Variants in EPB41L3 observed in about 807,000 individuals in gnomAD.
EPB41L3 encodes band 4.1-like protein 3.
In EPB41L3, 57 loss-of-function variants were observed where a neutral mutation model predicts 127.1. The observed-to-expected ratio is 0.45, with a 90% CI of 0.36 to 0.56. EPB41L3 has a LOEUF of 0.56. Ranked by LOEUF, EPB41L3 falls within the 20% of genes least tolerant of loss-of-function variation. The probability of loss-of-function intolerance (pLI) is 0.00; values close to 1 mark genes in which losing one functional copy is unlikely to be tolerated. For missense variants in EPB41L3, 1,273 were observed against 1,372.2 expected (o/e 0.93, Z 1.14); for synonymous variants, 572 against 549.5 (o/e 1.04, Z -0.57).
intron 3 of EPB41L3, among the ~76,000 whole-genome samples, chr18:5,605,374 T>C (rs796293633): frequency 2.6e-5 from 4 of 152,146 alleles, no homozygotes; most frequent in African/African-American, 7.2e-5. Flanking sequence ...GTCCCAGTTC[T>C]TTCTGATTTT....
chr18:5,419,848 T>C lies in EPB41L3; in HGVS notation c.1369A>G (p.Lys457Glu), dbSNP rs767287627. The C allele has an allele frequency of 9.3e-6, 15 of 1,614,150 alleles. No homozygotes were observed. In the South Asian group the frequency reaches 9.9e-5, roughly 11 times the overall value. ...ATCAAGTTGGTCTGAGAGATGCCTTTTGTTGTGGCGTACTGGCCAGTACCA... is the reference window on the plus strand; with the variant it reads ...ATCAAGTTGGTCTGAGAGATGCCTTCTGTTGTGGCGTACTGGCCAGTACCA... ...EVGTGQYATTKGISQTNLITT... is the reference protein window; with the variant it reads ...EVGTGQYATTEGISQTNLITT... Residue 457 changes from lysine to glutamate, a missense_variant, in exon 12 of 23, where the codon AAA becomes GAA. Around this residue, in one of 3 missense-constraint regions of EPB41L3, gnomAD observed 326 missense variants for 440.2 expected, o/e 0.74. Transcript: ENST00000341928.
chr18:5,445,497 G>C (rs1018762163), intron 3 of EPB41L3, among the ~76,000 whole-genome samples: 1 of 152,222 alleles, frequency 6.6e-6, no homozygotes, highest in African/African-American at 2.4e-5. Context: ...GCGCTACTTA[G>C]TATGTACAGG....
At chr18:5,420,383 A>ATAT (rs1231192839) in intron 11 of EPB41L3, among the ~76,000 whole-genome samples, 3 of 152,144 alleles carry the variant, frequency 2.0e-5, no homozygotes, top group African/African-American at 7.2e-5. Context: ...ATTGGTTTTC[A>ATAT]TATTATTATT....
chr18:5,470,013 C>T (rs113777758), intron 3 of EPB41L3, among the ~76,000 whole-genome samples: 1,819 of 152,202 alleles, frequency 0.012, 40 homozygotes, highest in African/African-American at 0.042. Context: ...CTCCTGACCT[C>T]GTGATCTACC....
At position 5,398,094 on chromosome 18, in the gene EPB41L3, C is replaced by T; in HGVS notation, c.2399G>A (p.Ser800Asn). ...EKLMDGSEIF[S>N]LLESARKPTE... Reference sequence around the variant, plus strand: ...TGGTTTTCGCGCAGACTCTAATAAACTGAAGATTTCAGAGCCATCCATGAG... The same window carrying T: ...TGGTTTTCGCGCAGACTCTAATAAATTGAAGATTTCAGAGCCATCCATGAG... Residue 800 changes from serine (S) to asparagine (N), a missense_variant, in exon 17 of 23, where the codon AGT (serine) becomes AAT (asparagine). Coordinates refer to ENST00000341928, the MANE Select transcript of EPB41L3 (RefSeq NM_012307.5). The T allele has an allele frequency of 6.2e-7, 1 of 1,614,164 alleles. No individual in the cohort carries two copies. Among genetic ancestry groups the T allele is most frequent in the Non-Finnish European group, 8.5e-7 (1 of 1,180,034 alleles).
At chr18:5,489,253 G>C (rs1290583829) in intron 1 of EPB41L3, 59 bp from the exon 2 acceptor site, 2 of 1,534,442 alleles carry the variant, frequency 1.3e-6, no homozygotes, top group Non-Finnish European at 1.7e-6. Context: ...CCCTCTGCAA[G>C]AAAACTAGGA....
upstream of EPB41L3, chr18:5,630,620 C>T (rs757078824): frequency 4.3e-6 from 2 of 461,400 alleles, no homozygotes; most frequent in South Asian, 3.1e-5. Flanking sequence ...GCTGCGGTGG[C>T]GGCACCTCCA....
At chr18:5,455,844 T>C (rs1001088423) in intron 3 of EPB41L3, among the ~76,000 whole-genome samples, 2 of 150,870 alleles carry the variant, frequency 1.3e-5, no homozygotes, top group African/African-American at 2.4e-5. Flanking sequence ...TTTCCTGCTG[T>C]GGATTCAGGT....
chr18:5,538,632 T>C (rs953484578), intron 1 of EPB41L3, among the ~76,000 whole-genome samples: 1 of 152,130 alleles, frequency 6.6e-6, no homozygotes, highest in East Asian at 1.9e-4. Context: ...TGCTAGGAGA[T>C]CAATATCATC....
At chr18:5,571,890 T>C (rs1173588589) in intron 3 of EPB41L3, among the ~76,000 whole-genome samples, 1 of 152,226 alleles carries the variant, frequency 6.6e-6, no homozygotes, top group East Asian at 1.9e-4. Context: ...GGGAAAAATA[T>C]ATCCATGAAA....
chr18:5,465,667 C>G (rs977148293), intron 3 of EPB41L3, among the ~76,000 whole-genome samples: 2 of 151,970 alleles, frequency 1.3e-5, no homozygotes, highest in African/African-American at 4.8e-5. Flanking sequence ...AACATTCACT[C>G]TCTCTATCAC....
rs1341248734 is a variant in EPB41L3, at chr18:5,543,623, G to A, written c.-12+290C>T. Among the ~76,000 whole-genome samples, 5 of 147,194 alleles carry A rather than the reference G, an allele frequency of 3.4e-5. No homozygotes were observed. The highest frequency in any genetic ancestry group is 7.6e-5 in the Non-Finnish European group (5 of 66,082). On this transcript the variant is annotated intron_variant, in intron 1 of 22. Coordinates refer to ENST00000341928, the MANE Select transcript of EPB41L3 (RefSeq NM_012307.5). The surrounding 1 kb of genome is among the most constrained non-coding windows in gnomAD (Gnocchi z 5.2). ...GGAGGCCCCCAGGCCGGAGGCCGGGGCTCAGGCTCTGCGCGCCGGCCCAGC... is the reference window on the plus strand; with the variant it reads ...GGAGGCCCCCAGGCCGGAGGCCGGGACTCAGGCTCTGCGCGCCGGCCCAGC...
chr18:5,619,399 C>T (rs549611472), intron 1 of EPB41L3, among the ~76,000 whole-genome samples: 1 of 152,166 alleles, frequency 6.6e-6, no homozygotes, highest in Admixed American at 6.5e-5. Context: ...CTTAGTCTTA[C>T]TAACATTATA....
chr18:5,566,868 C>T (rs886574258), intron 3 of EPB41L3, among the ~76,000 whole-genome samples: 29 of 151,732 alleles, frequency 1.9e-4, no homozygotes, highest in African/African-American at 5.6e-4. Flanking sequence ...AGTGCAGTGG[C>T]GCCAACGGCT....
intron 3 of EPB41L3, among the ~76,000 whole-genome samples, chr18:5,607,219 A>G (rs1455679582): frequency 6.6e-6 from 1 of 152,134 alleles, no homozygotes; most frequent in East Asian, 1.9e-4. Flanking sequence ...TATAGCTTGG[A>G]CCTGTCTCTC....
intron 3 of EPB41L3, among the ~76,000 whole-genome samples, chr18:5,592,981 G>A (rs1482699463): frequency 6.6e-6 from 1 of 152,194 alleles, no homozygotes; most frequent in African/African-American, 2.4e-5. Flanking sequence ...GAACATGACA[G>A]CTATGCAGGT....
intron 1 of EPB41L3, among the ~76,000 whole-genome samples, chr18:5,523,645 C>T (rs1304868035): frequency 6.6e-6 from 1 of 151,848 alleles, no homozygotes; most frequent in Non-Finnish European, 1.5e-5. Context: ...ATTAGCCAGG[C>T]ATGGTGGCAC....
At chr18:5,448,334 C>T (rs2081823920) in intron 3 of EPB41L3, among the ~76,000 whole-genome samples, 1 of 152,162 alleles carries the variant, frequency 6.6e-6, no homozygotes, top group Admixed American at 6.5e-5. Flanking sequence ...TCTCTCCCAA[C>T]TCTAAAAATG....
chr18:5,402,383 A>G (rs2074649360), intron 16 of EPB41L3, among the ~76,000 whole-genome samples: 1 of 152,038 alleles, frequency 6.6e-6, no homozygotes, highest in Non-Finnish European at 1.5e-5. Flanking sequence ...TAACAGTGCT[A>G]GGTCTCTAAT....
Sources: gnomAD v4.1 joint callset for allele counts (sites outside exome capture counted in the v4.1 genomes callset) on GRCh38, gnomAD v4.1.1 for gene constraint, gnomAD v4.1.1 regional missense constraint, Gnocchi (gnomAD v3.1) non-coding constraint, MANE v1.5 for transcripts, NCBI Gene and HGNC (gene_info 2026-07-23, HGNC 2026-07-21) for gene names.